Variants in NKAIN2 observed in about 807,000 individuals in gnomAD.
NKAIN2 encodes sodium/potassium transporting ATPase interacting 2, also known as sodium/potassium-transporting ATPase subunit beta-1-interacting protein 2.
NKAIN2 carries 14 observed loss-of-function variants against 32.6 expected under a neutral mutation model. The ratio of observed to expected loss-of-function variants is 0.43; its 90% CI spans 0.28 to 0.67. NKAIN2 has a LOEUF of 0.67. NKAIN2 is among the 30% of genes least tolerant of loss of function. The pLI, the probability that NKAIN2 is intolerant of heterozygous loss-of-function variation, is 0.17. For missense variants in NKAIN2, 198 were observed against 258.3 expected, an observed-to-expected ratio of 0.77 and a Z score of 1.60; for synonymous variants, 80 against 87.2, an observed-to-expected ratio of 0.92 and a Z score of 0.46.
chr6:124,713,531 AG>A (rs1202707713), intron 4 of NKAIN2, among the ~76,000 whole-genome samples: 2 of 152,118 alleles, frequency 1.3e-5, no homozygotes, highest in Admixed American at 6.5e-5. Flanking sequence ...CAAATAATGG[AG>A]GGGGTAGAGC....
intron 1 of NKAIN2, among the ~76,000 whole-genome samples, chr6:123,826,875 A>G (rs141004027): frequency 1.4e-4 from 21 of 152,256 alleles, no homozygotes; most frequent in African/African-American, 4.6e-4. Context: ...TGGAATTGCT[A>G]GATCATATGG....
At position 124,615,003 on chromosome 6, in the gene NKAIN2, A is replaced by AATTG. The variant is rs554425259; in HGVS notation, c.274-43177_274-43174dup. 1.8e-3 allele frequency among the ~76,000 whole-genome samples: 279 copies of AATTG among 152,308 alleles called. 3 individuals carry two copies. Among genetic ancestry groups the AATTG allele is most frequent in the Non-Finnish European group, 7.9e-4 (54 of 68,024 alleles). On this transcript the variant is annotated intron_variant, in intron 3 of 6. Transcript: ENST00000368417. Reference sequence around the variant, plus strand: ...TGAACAGTGTCTTCGGTCCATCTTCAATTGATTGAATTGATTAAAAGAATT... The same window carrying AATTG: ...TGAACAGTGTCTTCGGTCCATCTTCAATTGATTGATTGAATTGATTAAAAGAATT...
At chr6:124,625,830 A>AAATG (rs1325847707) in intron 3 of NKAIN2, among the ~76,000 whole-genome samples, 1 of 152,064 alleles carries the variant, frequency 6.6e-6, no homozygotes, top group Non-Finnish European at 1.5e-5. Context: ...AGAAGTCATC[A>AAATG]AATGCCAGAG....
intron 2 of NKAIN2, among the ~76,000 whole-genome samples, chr6:124,347,308 G>A (rs1238764295): frequency 2.0e-5 from 3 of 152,038 alleles, no homozygotes; most frequent in East Asian, 1.9e-4. Flanking sequence ...TGACAATTAT[G>A]TGTCTTGGAG....
At chr6:124,312,548 G>A (rs767265561) in intron 2 of NKAIN2, among the ~76,000 whole-genome samples, 2 of 152,180 alleles carry the variant, frequency 1.3e-5, no homozygotes, top group African/African-American at 2.4e-5. Flanking sequence ...CAGATGAAGA[G>A]ATGCAAAAGG....
chr6:124,658,618 A>G (rs1784631305), intron 4 of NKAIN2: 1 of 1,049,230 alleles, frequency 9.5e-7, no homozygotes, highest in Non-Finnish European at 1.3e-6. Context: ...TCAGCATTTT[A>G]CATAGGAAAT....
chr6:124,474,563 C>T (rs1382865304), intron 3 of NKAIN2, among the ~76,000 whole-genome samples: 1 of 152,056 alleles, frequency 6.6e-6, no homozygotes, highest in African/African-American at 2.4e-5. Context: ...TTTACATACG[C>T]ATACATACTT....
intron 3 of NKAIN2, among the ~76,000 whole-genome samples, chr6:124,436,840 A>G (rs570245103): frequency 6.6e-6 from 1 of 152,256 alleles, no homozygotes; most frequent in East Asian, 1.9e-4. Flanking sequence ...AAACACCCTC[A>G]ATCAAGAGGC....
At chr6:124,672,905 G>A (rs1301930517) in intron 4 of NKAIN2, among the ~76,000 whole-genome samples, 1 of 152,014 alleles carries the variant, frequency 6.6e-6, no homozygotes, top group African/African-American at 2.4e-5. Flanking sequence ...CACATGACCT[G>A]AAATCCACCT....
At chr6:124,382,466 C>A (rs1200310351) in intron 3 of NKAIN2, among the ~76,000 whole-genome samples, 1 of 152,112 alleles carries the variant, frequency 6.6e-6, no homozygotes, top group African/African-American at 2.4e-5. Context: ...TCCTGGATTG[C>A]AAGTTTGATC....
chr6:124,273,738 C>T (rs148078994), intron 1 of NKAIN2, among the ~76,000 whole-genome samples: 1 of 152,274 alleles, frequency 6.6e-6, no homozygotes, highest in East Asian at 1.9e-4. Flanking sequence ...CTCTTCCAAA[C>T]ATTAGGTATT....
intron 1 of NKAIN2, among the ~76,000 whole-genome samples, chr6:124,240,956 CT>C (rs1476579738): frequency 6.6e-6 from 1 of 152,154 alleles, no homozygotes; most frequent in Admixed American, 6.6e-5. Context: ...CAAATTGCCT[CT>C]GTTTGCAGAT....
intron 3 of NKAIN2, among the ~76,000 whole-genome samples, chr6:124,407,219 A>C (rs1773901088): frequency 6.6e-6 from 1 of 152,036 alleles, no homozygotes; most frequent in African/African-American, 2.4e-5. Context: ...TTATACTTTA[A>C]GTTTTAGGGT....
At chr6:124,638,884 T>C (rs2786917) in intron 3 of NKAIN2, among the ~76,000 whole-genome samples, 66,793 of 122,150 alleles carry the variant, frequency 0.55, 18,303 homozygotes, top group Middle Eastern at 0.61. Context: ...AGTGAGACTC[T>C]GTCAAAAAAA....
chr6:124,268,623 A>G (rs1794610169), intron 1 of NKAIN2, among the ~76,000 whole-genome samples: 1 of 152,068 alleles, frequency 6.6e-6, no homozygotes, highest in Admixed American at 6.6e-5. Flanking sequence ...AAGAAATGAT[A>G]TGATGAGTTC....
chr6:124,493,960 C>G (rs1777970989), intron 3 of NKAIN2, among the ~76,000 whole-genome samples: 1 of 152,082 alleles, frequency 6.6e-6, no homozygotes, highest in African/African-American at 2.4e-5. Context: ...TATAATTTTT[C>G]TCATTGCCTT....
intron 3 of NKAIN2, among the ~76,000 whole-genome samples, chr6:124,640,612 G>A (rs1251978296): frequency 2.6e-5 from 4 of 152,134 alleles, no homozygotes; most frequent in Non-Finnish European, 5.9e-5. Flanking sequence ...GTGAGAAGTT[G>A]ATCTTTCATT....
chr6:124,286,659 TGTGTGTGTGTGTGTGC>T (rs1366214487), intron 2 of NKAIN2, among the ~76,000 whole-genome samples: 1 of 122,886 alleles, frequency 8.1e-6, no homozygotes, highest in African/African-American at 4.8e-5. Flanking sequence ...TGTGTGTGTG[TGTGTGTGTGTGTGTGC>T]GCGCGCGTGT....
chr6:124,607,876 C>A (rs1005953261), intron 3 of NKAIN2, among the ~76,000 whole-genome samples: 2 of 152,014 alleles, frequency 1.3e-5, no homozygotes, highest in African/African-American at 4.8e-5. Context: ...TAAGACATTT[C>A]TTTATTACAA....
Sources: allele counts gnomAD v4.1 joint callset (sites outside exome capture counted in the v4.1 genomes callset), GRCh38; gene constraint gnomAD v4.1.1; transcripts MANE v1.5; gene names NCBI Gene and HGNC (gene_info 2026-07-23, HGNC 2026-07-21).